SNCG: variants seen among roughly 807,000 people sequenced by gnomAD.
The protein encoded by SNCG is gamma-synuclein.
Under a neutral mutation model 16.0 loss-of-function variants are expected in SNCG, and 13 were observed. The ratio of observed to expected loss-of-function variants is 0.81; its 90% CI spans 0.53 to 1.29. The LOEUF is 1.29. SNCG is among the 50% of genes most tolerant of loss of function. SNCG has a pLI of 0.00. For synonymous variants in SNCG, 66 were observed against 66.3 expected (o/e 1.00, Z 0.02); for missense variants, 154 against 168.5 (o/e 0.91, Z 0.48).
At position 86,959,772 on chromosome 10, in the gene SNCG, C is replaced by T. The variant is rs1844308280; in HGVS notation, c.163+98C>T. On this transcript the variant is annotated intron_variant, in intron 2 of 4. Transcript: ENST00000372017. This position sits in a 1 kb window ranked among gnomAD's most constrained non-coding sequence, Gnocchi z 4.3. ...TCAAACCTAGAGTCCTGCCTTACCC[C>T]CAACTGGGGTCCCAAGCCCTACAGA... The T allele has an allele frequency of 1.5e-6, 2 of 1,339,330 alleles. No individual in the cohort carries two copies. The highest frequency in any genetic ancestry group is 2.0e-6 in the Non-Finnish European group (2 of 982,182). The allele number at this position is 1,339,330 out of a possible 1,614,324, so 83.0% of individuals were successfully genotyped here.
chr10:86,958,871 C>A, intron 1 of SNCG, 53 bp downstream of exon 1: 2 of 1,542,388 alleles, frequency 1.3e-6, no homozygotes, highest in South Asian at 1.2e-5. Context: ...GGTGAGTGCC[C>A]AGTTACCTTC....
At chr10:86,957,851 G>A (rs1399328067), upstream of SNCG, 12 of 1,155,156 alleles carry the variant, frequency 1.0e-5, no homozygotes, top group Non-Finnish European at 1.3e-5. Flanking sequence ...TGCTCCCTGG[G>A]AGCCATGAAA....
intron 4 of SNCG, 118 bp from the exon 5 acceptor site, chr10:86,962,847 C>A: frequency 8.0e-7 from 1 of 1,255,416 alleles, no homozygotes; most frequent in South Asian, 1.4e-5. Context: ...AGTGGGAGGT[C>A]CCCCCACGGA....
chr10:86,957,314 G>C, upstream of SNCG: 1 of 1,555,322 alleles, frequency 6.4e-7, no homozygotes, highest in Non-Finnish European at 8.9e-7. Context: ...GAGAGGCTCT[G>C]CTCTAGCTGA....
chr10:86,957,920 G>A, upstream of SNCG: 1 of 1,052,372 alleles, frequency 9.5e-7, no homozygotes, highest in Non-Finnish European at 1.1e-6. Context: ...CAGGGGACCT[G>A]CTGCCCATCC....
At chr10:86,958,471 T>C (rs1307110497), upstream of SNCG, 28 of 1,386,032 alleles carry the variant, frequency 2.0e-5, no homozygotes, top group Non-Finnish European at 2.4e-5. Flanking sequence ...CTTCCTATCC[T>C]GGAGGAAGGT....
intron 1 of SNCG, 43 bp downstream of exon 1, chr10:86,958,861 G>T (rs758348310): frequency 1.9e-6 from 3 of 1,560,430 alleles, no homozygotes; most frequent in East Asian, 2.3e-5. Flanking sequence ...GTGGCCAAAG[G>T]GTGAGTGCCC....
At chr10:86,957,227 T>A (rs1311093050), upstream of SNCG, 6 of 806,126 alleles carry the variant, frequency 7.4e-6, no homozygotes, top group African/African-American at 8.5e-5. Flanking sequence ...CAGTCCAGAC[T>A]ACTTTTTCAG....
intron 3 of SNCG, among the ~76,000 whole-genome samples, chr10:86,960,385 C>G (rs1844322449): frequency 6.6e-6 from 1 of 152,196 alleles, no homozygotes; most frequent in African/African-American, 2.4e-5. Context: ...AAGTGAGGCT[C>G]AAAACCACAT....
upstream of SNCG, chr10:86,958,446 G>A (rs1320573949): frequency 7.1e-6 from 7 of 985,306 alleles, no homozygotes; most frequent in Middle Eastern, 1.0e-3. Flanking sequence ...GGAGCCCAGG[G>A]AGCCTGGTCT....
chr10:86,962,852 C>A (rs1382735534), intron 4 of SNCG, 113 bp from the exon 5 acceptor site: 7 of 1,301,672 alleles, frequency 5.4e-6, no homozygotes, highest in Non-Finnish European at 7.5e-6. Context: ...GAGGTCCCCC[C>A]ACGGATGACC....
chr10:86,960,469 C>G (rs560866358), intron 3 of SNCG, among the ~76,000 whole-genome samples: 132 of 152,280 alleles, frequency 8.7e-4, no homozygotes, highest in African/African-American at 3.1e-3. Flanking sequence ...CGGTGACAGG[C>G]AGCCTCCCGG....
At position 86,958,684 on chromosome 10, in the gene SNCG, C is replaced by T. The variant is rs1042045978; in HGVS notation, c.-14C>T. ...TCCGTCCTGCCTGCAGCAGCACAAC[C>T]CTGCACACCCACCATGGATGTCTTC... On this transcript the variant is annotated 5_prime_UTR_variant, in exon 1 of 5. Coordinates refer to ENST00000372017, the MANE Select transcript of SNCG (RefSeq NM_003087.3). 4 of 1,613,734 alleles carry T rather than the reference C, an allele frequency of 2.5e-6. No individual in the cohort carries two copies. Among genetic ancestry groups the T allele is most frequent in the African/African-American group, 1.3e-5 (1 of 74,946 alleles).
chr10:86,960,342 G>A (rs757150096), intron 3 of SNCG, among the ~76,000 whole-genome samples: 1 of 152,158 alleles, frequency 6.6e-6, no homozygotes, highest in Non-Finnish European at 1.5e-5. Context: ...CCACCCCTTC[G>A]GGGGACTTGG....
chr10:86,956,426 G>A (rs570290438), upstream of SNCG, among the ~76,000 whole-genome samples: 2 of 152,292 alleles, frequency 1.3e-5, no homozygotes, highest in African/African-American at 4.8e-5. Context: ...GCACAGAAGT[G>A]TAAGTTGGCC....
chr10:86,962,204 A>C (rs967969280), intron 3 of SNCG, among the ~76,000 whole-genome samples: 1 of 152,134 alleles, frequency 6.6e-6, no homozygotes, highest in African/African-American at 2.4e-5. Context: ...CAGAGTCCCT[A>C]TGTGAACCCC....
upstream of SNCG, chr10:86,958,200 T>TA (rs1386407313): frequency 2.1e-6 from 2 of 967,722 alleles, no homozygotes; most frequent in African/African-American, 3.5e-5. Context: ...CTAACAGGCC[T>TA]ATGTGGCCCT....
chr10:86,956,176 G>A (rs1242503552), upstream of SNCG, among the ~76,000 whole-genome samples: 2 of 133,602 alleles, frequency 1.5e-5, no homozygotes, highest in South Asian at 5.6e-4. Flanking sequence ...CCACCACCGA[G>A]AATCACCTGC....
chr10:86,962,387 A>G (rs1358288357), intron 3 of SNCG, among the ~76,000 whole-genome samples: 2 of 152,038 alleles, frequency 1.3e-5, no homozygotes, highest in Admixed American at 1.3e-4. Flanking sequence ...GCTGGGCTCC[A>G]GGGTACTTGG....
Sources: allele counts gnomAD v4.1 joint callset (sites outside exome capture counted in the v4.1 genomes callset), GRCh38; gene constraint gnomAD v4.1.1; non-coding constraint Gnocchi (gnomAD v3.1); transcripts MANE v1.5; gene names NCBI Gene and HGNC (gene_info 2026-07-23, HGNC 2026-07-21).